Variants in PCGF6 observed in about 807,000 individuals in gnomAD.
The protein encoded by PCGF6 is polycomb group ring finger 6.
In PCGF6, 24 loss-of-function variants were observed where a neutral mutation model predicts 45.5. The observed-to-expected ratio is 0.53, with a 90% CI of 0.38 to 0.74. The LOEUF (loss-of-function observed/expected upper bound fraction) is 0.74, where lower values mean the gene tolerates loss of function less well. Ranked by LOEUF, PCGF6 falls within the 30% of genes least tolerant of loss-of-function variation. The pLI is 0.00. For synonymous variants in PCGF6, 152 were observed against 162.1 expected, an observed-to-expected ratio of 0.94 and a Z score of 0.47; for missense variants, 356 against 443.2, an observed-to-expected ratio of 0.80 and a Z score of 1.77.
At chr10:103,307,378 A>C (rs2093141508) in intron 9 of PCGF6, among the ~76,000 whole-genome samples, 1 of 152,108 alleles carries the variant, frequency 6.6e-6, no homozygotes, top group Non-Finnish European at 1.5e-5. Context: ...TTGAGGCTAC[A>C]GTGAACCATA....
intron 7 of PCGF6, among the ~76,000 whole-genome samples, chr10:103,331,414 C>T (rs529181211): frequency 1.6e-4 from 24 of 152,166 alleles, no homozygotes; most frequent in Admixed American, 9.2e-4. Flanking sequence ...CCCACCACCA[C>T]GCCTGGCTAA....
At position 103,350,267 on chromosome 10, in the gene PCGF6, C is replaced by CAA. The variant is rs376674913; in HGVS notation, c.360+438_360+439dup. ...GGAACATAGGGAGCCCTCCTCGCTA[C>CAA]AAAAAAAAAAAAAAATGTTTAATTA... On this transcript the variant is annotated intron_variant, in intron 1 of 9. Coordinates refer to ENST00000369847, the MANE Select transcript of PCGF6 (RefSeq NM_001011663.2). Among the ~76,000 whole-genome samples, 583 of 128,594 alleles carry CAA rather than the reference C, an allele frequency of 4.5e-3. 1 individual carries two copies. The highest frequency in any genetic ancestry group is 0.013 in the South Asian group (56 of 4,226). The allele number at this position is 128,594 out of a possible 152,430, so 84.4% of individuals were successfully genotyped here.
At chr10:103,344,865 C>G (rs372298007) in intron 6 of PCGF6, among the ~76,000 whole-genome samples, 159 bp downstream of exon 6, 11 of 152,194 alleles carry the variant, frequency 7.2e-5, no homozygotes, top group African/African-American at 2.2e-4. Context: ...CCACTGCACC[C>G]GGCCCTTTAT....
intron 6 of PCGF6, among the ~76,000 whole-genome samples, chr10:103,341,692 C>T (rs902176015): frequency 6.6e-6 from 1 of 151,850 alleles, no homozygotes; most frequent in Admixed American, 6.6e-5. Context: ...AATCTGCCCA[C>T]CTAAGCCTCC....
intron 9 of PCGF6, among the ~76,000 whole-genome samples, chr10:103,305,567 G>A (rs1404771695): frequency 2.0e-5 from 3 of 151,882 alleles, no homozygotes; most frequent in Admixed American, 6.6e-5. Context: ...CGCTGCACCC[G>A]GCCCTAGACT....
intron 8 of PCGF6, among the ~76,000 whole-genome samples, chr10:103,315,994 G>GTATATATA (rs376306313): frequency 7.6e-6 from 1 of 131,922 alleles, no homozygotes; most frequent in African/African-American, 3.0e-5. Context: ...GTGTGTGTGT[G>GTATATATA]TATATATATA....
At chr10:103,320,095 C>T (rs2093191575) in intron 8 of PCGF6, among the ~76,000 whole-genome samples, 2 of 152,242 alleles carry the variant, frequency 1.3e-5, no homozygotes, top group African/African-American at 2.4e-5. Flanking sequence ...TATGAGCCAC[C>T]ATGCCTGGCC....
At chr10:103,314,028 GAC>G (rs1448201088) in intron 9 of PCGF6, among the ~76,000 whole-genome samples, 156 bp downstream of exon 9, 4 of 152,218 alleles carry the variant, frequency 2.6e-5, no homozygotes, top group African/African-American at 9.6e-5. Flanking sequence ...AACAGTACCT[GAC>G]ACACAGCAAG....
intron 5 of PCGF6, among the ~76,000 whole-genome samples, chr10:103,345,953 G>GAA (rs1232184406): frequency 6.6e-6 from 1 of 152,094 alleles, no homozygotes; most frequent in Non-Finnish European, 1.5e-5. Context: ...AGCACTTTGG[G>GAA]AGGCCGAGGT....
Position 103,348,941 on chromosome 10 carries a change from T to A in PCGF6, c.419A>T (p.Tyr140Phe). 1 of 1,613,918 alleles carries A rather than the reference T, an allele frequency of 6.2e-7. No individual in the cohort carries two copies. Among genetic ancestry groups the A allele is most frequent in the Non-Finnish European group, 8.5e-7 (1 of 1,179,794 alleles). ...PYILCSICKG[Y>F]LIDATTITEC... Reference sequence around the variant, plus strand: ...TGTGATGGTAGTTGCATCTATTAAGTAACCTTTGCAAATGGAACACAAGAT... The same window carrying A: ...TGTGATGGTAGTTGCATCTATTAAGAAACCTTTGCAAATGGAACACAAGAT... The change falls in exon 2 of 10, where the codon TAC becomes TTC. Residue 140 changes from tyrosine (Y) to phenylalanine (F), a missense_variant. Around this residue, in one of 2 missense-constraint regions of PCGF6, gnomAD observed 307 missense variants for 350.1 expected, o/e 0.88. Coordinates refer to ENST00000369847, the MANE Select transcript of PCGF6 (RefSeq NM_001011663.2).
intron 9 of PCGF6, among the ~76,000 whole-genome samples, chr10:103,311,898 C>T (rs984225047): frequency 2.7e-5 from 4 of 150,552 alleles, no homozygotes; most frequent in Non-Finnish European, 5.9e-5. Context: ...AGATTAGCCT[C>T]GCCAACACGG....
intron 9 of PCGF6, among the ~76,000 whole-genome samples, chr10:103,304,309 G>A (rs1299527368): frequency 1.3e-5 from 2 of 151,652 alleles, no homozygotes; most frequent in Non-Finnish European, 2.9e-5. Flanking sequence ...GCTAATTTTT[G>A]TACGTATGTA....
At chr10:103,349,479 G>GTTT (rs11450842) in intron 1 of PCGF6, among the ~76,000 whole-genome samples, 10,994 of 108,086 alleles carry the variant, frequency 0.1, 1,165 homozygotes, top group Middle Eastern at 0.15. Flanking sequence ...CTTTCTTTCC[G>GTTT]TTTTTTTTTT....
At chr10:103,306,191 G>A (rs981870908) in intron 9 of PCGF6, among the ~76,000 whole-genome samples, 3 of 151,224 alleles carry the variant, frequency 2.0e-5, no homozygotes, top group South Asian at 2.1e-4. Flanking sequence ...TCCGCCTCCC[G>A]GGTTCAAGCG....
At position 103,303,823 on chromosome 10, in the gene PCGF6, T is replaced by C; in HGVS notation, c.*82A>G. 8.1e-7 allele frequency: 1 copy of C among 1,238,270 alleles called. No homozygotes were observed. Among genetic ancestry groups the C allele is most frequent in the Non-Finnish European group, 1.2e-6 (1 of 853,800 alleles). The allele number at this position is 1,238,270 out of a possible 1,614,324, so 76.7% of individuals were successfully genotyped here. A position where few individuals can be genotyped will look rare whatever the true frequency, so the allele number is the denominator to read the frequency against. ...GTCTTGAACAGCAAAGTGGTAGCAA[T>C]TACATTTCATGGAAATCTTTGGTGA... On this transcript the variant is annotated 3_prime_UTR_variant, in exon 10 of 10. Coordinates refer to ENST00000369847, the MANE Select transcript of PCGF6 (RefSeq NM_001011663.2).
rs2093126234 is a variant in PCGF6, at chr10:103,303,422, A to G, written c.*483T>C. The G allele has an allele frequency of 6.5e-6, 1 of 152,930 alleles. No individual in the cohort carries two copies. Among genetic ancestry groups the G allele is most frequent in the South Asian group, 2.1e-4 (1 of 4,866 alleles). The allele number at this position is 152,930 out of a possible 1,614,324, so 9.5% of individuals were successfully genotyped here. A position where few individuals can be genotyped will look rare whatever the true frequency, so the allele number is the denominator to read the frequency against. ...GTTCAAAATATGCTGGCAACATACA[A>G]AAGTGGCCAATAGTTTTGGTCTTTG... On this transcript the variant is annotated 3_prime_UTR_variant, in exon 10 of 10. Transcript: ENST00000369847.
At chr10:103,314,954 TAAA>T (rs60182387) in intron 8 of PCGF6, among the ~76,000 whole-genome samples, 80 of 57,180 alleles carry the variant, frequency 1.4e-3, no homozygotes, top group African/African-American at 5.3e-3. Context: ...GACTCTGTCA[TAAA>T]AAAAAAAAAA....
At chr10:103,307,772 C>A (rs1350593900) in intron 9 of PCGF6, among the ~76,000 whole-genome samples, 3 of 152,150 alleles carry the variant, frequency 2.0e-5, no homozygotes, top group African/African-American at 7.2e-5. Context: ...CATGCCTAAC[C>A]TGAGTACATT....
intron 6 of PCGF6, among the ~76,000 whole-genome samples, chr10:103,336,018 G>A (rs2093255902): frequency 6.6e-6 from 1 of 151,858 alleles, no homozygotes; most frequent in African/African-American, 2.4e-5. Flanking sequence ...TGTAATCCTA[G>A]CACTTTGGGA....
Sources: allele counts gnomAD v4.1 joint callset (sites outside exome capture counted in the v4.1 genomes callset), GRCh38; gene constraint gnomAD v4.1.1; regional missense constraint gnomAD v4.1.1; transcripts MANE v1.5; gene names NCBI Gene and HGNC (gene_info 2026-07-23, HGNC 2026-07-21).